SLC15A5: variants seen among roughly 807,000 people sequenced by gnomAD.
The protein encoded by SLC15A5 is solute carrier family 15 member 5.
SLC15A5 carries 58 observed loss-of-function variants against 56.1 expected under a neutral mutation model. That is an observed-to-expected ratio of 1.03 (90% CI 0.84 to 1.29). The LOEUF (loss-of-function observed/expected upper bound fraction) is 1.29. SLC15A5 is among the 50% of genes most tolerant of loss of function. SLC15A5 has a pLI of 0.00. For missense variants in SLC15A5, 681 were observed against 672.1 expected (o/e 1.01, Z -0.15); for synonymous variants, 264 against 250.5 (o/e 1.05, Z -0.51).
At chr12:16,246,336 A>G (rs1864460927) in intron 3 of SLC15A5, among the ~76,000 whole-genome samples, 1 of 152,182 alleles carries the variant, frequency 6.6e-6, no homozygotes, top group Admixed American at 6.6e-5. Context: ...TTATTATTAG[A>G]GAATGAACTG....
chr12:16,217,642 G>C (rs1241286261), intron 6 of SLC15A5, among the ~76,000 whole-genome samples: 1 of 152,124 alleles, frequency 6.6e-6, no homozygotes, highest in Middle Eastern at 3.2e-3. Context: ...AAAGTGCTTA[G>C]TACAATGCTG....
At chr12:16,225,202 A>C (rs1214986387) in intron 5 of SLC15A5, among the ~76,000 whole-genome samples, 3 of 152,162 alleles carry the variant, frequency 2.0e-5, no homozygotes, top group Non-Finnish European at 2.9e-5. Flanking sequence ...GTGCATGTGT[A>C]TTTATAGCAG....
At position 16,194,895 on chromosome 12, in the gene SLC15A5, G is replaced by A. The variant is rs745410210; in HGVS notation, c.1484-442C>T. Among the ~76,000 whole-genome samples, 239 of 152,052 alleles carry A rather than the reference G, an allele frequency of 1.6e-3. 10 individuals carry two copies. The highest frequency in any genetic ancestry group is 1.3e-3 in the Non-Finnish European group (88 of 67,992). On this transcript the variant is annotated intron_variant, in intron 7 of 8. Transcript: ENST00000344941. ...GTCTGTTTCATATGCTAATTGTAAGGATAGTGAGATGATGTATATAGGTGA... is the reference window on the plus strand; with the variant it reads ...GTCTGTTTCATATGCTAATTGTAAGAATAGTGAGATGATGTATATAGGTGA...
chr12:16,204,312 C>G (rs1484233676), intron 7 of SLC15A5, among the ~76,000 whole-genome samples: 1 of 151,664 alleles, frequency 6.6e-6, no homozygotes, highest in African/African-American at 2.4e-5. Context: ...CAAAAATTAG[C>G]CTGGCATGGT....
At chr12:16,216,756 C>A (rs900157746) in intron 7 of SLC15A5, 137 bp downstream of exon 7, 5 of 745,238 alleles carry the variant, frequency 6.7e-6, no homozygotes, top group South Asian at 2.3e-5. Flanking sequence ...TATTTCCTAT[C>A]TTAATTCTAT....
intron 7 of SLC15A5, among the ~76,000 whole-genome samples, chr12:16,212,512 C>T (rs1411580004): frequency 3.3e-5 from 1 of 30,552 alleles, no homozygotes; most frequent in Non-Finnish European, 6.2e-5. Flanking sequence ...GAGACTTATC[C>T]TATTTCCAGA....
chr12:16,205,604 CACACACATATATATACACAT>C, intron 7 of SLC15A5, among the ~76,000 whole-genome samples: 1 of 105,510 alleles, frequency 9.5e-6, no homozygotes, highest in Non-Finnish European at 2.0e-5. Flanking sequence ...TATACACACA[CACACACATATATATACACAT>C]ATATATATAC....
Position 16,189,619 on chromosome 12 carries a change from G to A in SLC15A5, c.*49C>T. The A allele has an allele frequency of 1.5e-6, 2 of 1,355,818 alleles. No individual in the cohort carries two copies. The highest frequency in any genetic ancestry group is 9.5e-7 in the Non-Finnish European group (1 of 1,052,936). 84.0% of individuals were successfully genotyped at this position (1,355,818 alleles called of 1,614,324 possible). ...ACACATAAAATGCTCAACTGAAGAA[G>A]AAAACAATGAATACTGTTCTCATAA... On this transcript the variant is annotated 3_prime_UTR_variant, in exon 9 of 9. Coordinates refer to ENST00000344941, the MANE Select transcript of SLC15A5 (RefSeq NM_001170798.1).
At chr12:16,218,825 C>G (rs552875350) in intron 6 of SLC15A5, among the ~76,000 whole-genome samples, 1 of 152,070 alleles carries the variant, frequency 6.6e-6, no homozygotes, top group South Asian at 2.1e-4. Context: ...CTGCTCCTCT[C>G]GGGAATATTT....
At chr12:16,244,259 G>GT (rs1011944883) in intron 4 of SLC15A5, among the ~76,000 whole-genome samples, 3 of 152,170 alleles carry the variant, frequency 2.0e-5, no homozygotes, top group African/African-American at 7.2e-5. Context: ...GGGAAGTTTG[G>GT]TAATTGCCTA....
At chr12:16,226,281 T>A (rs546129368) in intron 5 of SLC15A5, among the ~76,000 whole-genome samples, 47 of 152,302 alleles carry the variant, frequency 3.1e-4, no homozygotes, top group African/African-American at 1.1e-3. Flanking sequence ...AGAAAAAAAG[T>A]CTGTACATGT....
intron 7 of SLC15A5, among the ~76,000 whole-genome samples, chr12:16,203,087 A>G (rs900550206): frequency 7.9e-5 from 12 of 152,150 alleles, no homozygotes; most frequent in African/African-American, 2.4e-5. Flanking sequence ...ATAATAATGT[A>G]TTGTATATAT....
intron 4 of SLC15A5, among the ~76,000 whole-genome samples, chr12:16,242,382 A>AGAGTGATATTGAGGATAT (rs368628737): frequency 0.48 from 73,264 of 151,766 alleles, 17,901 homozygotes; most frequent in Middle Eastern, 0.54. Context: ...TTTTAACCCA[A>AGAGTGATATTGAGGATAT]TGCAAGAGTG....
intron 3 of SLC15A5, among the ~76,000 whole-genome samples, chr12:16,249,001 A>C (rs983836187): frequency 6.6e-6 from 1 of 152,080 alleles, no homozygotes; most frequent in African/African-American, 2.4e-5. Context: ...TTTAGAAAGC[A>C]GTTTTCCTAT....
intron 6 of SLC15A5, among the ~76,000 whole-genome samples, chr12:16,219,550 A>G (rs1365964025): frequency 6.6e-6 from 1 of 152,188 alleles, no homozygotes; most frequent in Admixed American, 6.5e-5. Flanking sequence ...TTCTCCTGCT[A>G]GAACTTCTGG....
At chr12:16,219,955 T>C (rs1252160699) in intron 6 of SLC15A5, among the ~76,000 whole-genome samples, 2 of 152,142 alleles carry the variant, frequency 1.3e-5, no homozygotes, top group Non-Finnish European at 2.9e-5. Flanking sequence ...CTTGTAAAGA[T>C]GCCACATCAC....
At chr12:16,251,358 T>C (rs531611705) in intron 3 of SLC15A5, among the ~76,000 whole-genome samples, 2 of 151,252 alleles carry the variant, frequency 1.3e-5, no homozygotes, top group East Asian at 1.9e-4. Flanking sequence ...ATAAACAAAA[T>C]AGAGAATGGA....
rs561248279 is a variant in SLC15A5, at chr12:16,277,406, G to A, written c.280C>T (p.Pro94Ser). 4 of 1,536,390 alleles carry A rather than the reference G, an allele frequency of 2.6e-6. No individual in the cohort carries two copies. Among genetic ancestry groups the A allele is most frequent in the Non-Finnish European group, 3.5e-6 (4 of 1,146,402 alleles). Residue 94 changes from proline (P) to serine (S), a missense_variant, in exon 1 of 9, where the codon CCT becomes TCT. By Grantham distance (74) the Pro-to-Ser change is moderately conservative. Coordinates refer to ENST00000344941, the MANE Select transcript of SLC15A5 (RefSeq NM_001170798.1). ...LCFIGTSILT[P>S]VFVRWLTDVY... is the part of the protein sequence containing the mutation. ...TCAGTGAGCCATCTGACAAACACAGGGGTAAGTATTGAAGTTCCAATAAAA... is the reference window on the plus strand; with the variant it reads ...TCAGTGAGCCATCTGACAAACACAGAGGTAAGTATTGAAGTTCCAATAAAA...
At chr12:16,274,325 C>T (rs1019623619) in intron 1 of SLC15A5, among the ~76,000 whole-genome samples, 1 of 152,054 alleles carries the variant, frequency 6.6e-6, no homozygotes, top group African/African-American at 2.4e-5. Context: ...TAGTTAGCAT[C>T]ATTAATTTTT....
Sources: gnomAD v4.1 joint callset for allele counts (sites outside exome capture counted in the v4.1 genomes callset) on GRCh38, gnomAD v4.1.1 for gene constraint, MANE v1.5 for transcripts, NCBI Gene and HGNC (gene_info 2026-07-23, HGNC 2026-07-21) for gene names.